Variants in ELK1 observed in about 807,000 individuals in gnomAD.
The protein encoded by ELK1 is ETS domain-containing protein Elk-1.
For synonymous variants in ELK1, 163 were observed against 176.3 expected (o/e 0.92, Z 0.60); for missense variants, 254 against 381.5 (o/e 0.67, Z 2.78).
intron 2 of ELK1, among the ~76,000 whole-genome samples, chrX:47,645,868 C>T (rs2147944857): frequency 8.9e-6 from 1 of 112,011 alleles, no homozygotes; most frequent in Non-Finnish European, 1.9e-5. Context: ...CCTGCCCTTG[C>T]AAATCTGTTC....
At position 47,639,008 on chromosome X, in the gene ELK1, G is replaced by A. The variant is rs375434138; in HGVS notation, c.541C>T (p.Leu181Phe). Residue 181 changes from leucine to phenylalanine, a missense_variant, in exon 4 of 7, where the codon CTC becomes TTC. Coordinates refer to ENST00000376983, the MANE Select transcript of ELK1 (RefSeq NM_001114123.3). ...GCCCCTGCAGGAGCTGCACTGGGGA[G>A]CACCACAGCAGGCCGAGGATGAGGG... The part of the protein sequence containing the change: ...PPPHPRPAVV[L>F]PSAAPAGAAA... 3 of 1,200,463 alleles carry A rather than the reference G, an allele frequency of 2.5e-6. No individual in the cohort carries two copies. The East Asian group carries it at 9.0e-5, about 36-fold the overall frequency.
At chrX:47,640,500 T>TG (rs1195919239) in intron 3 of ELK1, among the ~76,000 whole-genome samples, 3 of 110,125 alleles carry the variant, frequency 2.7e-5, no homozygotes, top group African/African-American at 9.9e-5. Flanking sequence ...GTATAAATAT[T>TG]GGGGGGAGGA....
intron 5 of ELK1, among the ~76,000 whole-genome samples, chrX:47,637,411 A>T (rs1396455735): frequency 9.0e-6 from 1 of 110,589 alleles, no homozygotes; most frequent in Non-Finnish European, 1.9e-5. Flanking sequence ...TCACCATCCC[A>T]ACAGCTCAGG....
At chrX:47,637,247 A>T in intron 5 of ELK1, 133 bp from the exon 6 acceptor site, 1 of 624,160 alleles carries the variant, frequency 1.6e-6, no homozygotes, top group South Asian at 2.6e-5. Flanking sequence ...GCACACACCT[A>T]GATGGTAACC....
chrX:47,638,330 T>C (rs1159446090), intron 4 of ELK1, 148 bp from the exon 5 acceptor site: 6 of 736,324 alleles, frequency 8.1e-6, no homozygotes, highest in Non-Finnish European at 1.2e-5. Flanking sequence ...CAACAGGACA[T>C]AGGACTTCGT....
rs747594779 is a variant in ELK1 at position 47,636,824 on chromosome X, A to G, written c.*5T>C. 1.2e-5 allele frequency: 14 copies of G among 1,133,956 alleles called. No homozygotes were observed. The East Asian group carries it at 2.9e-4, about 24-fold the overall frequency. The allele number at this position is 1,133,956 out of a possible 1,213,427, so 93.5% of individuals were successfully genotyped here. A position where few individuals can be genotyped will look rare whatever the true frequency, so the allele number is the denominator to read the frequency against. ...CAGAAGGGGTGGTGGTGGTGGTGGTAGTAGTCATGGCTTCTGGGGCCCTGG... is the reference window on the plus strand; with the variant it reads ...CAGAAGGGGTGGTGGTGGTGGTGGTGGTAGTCATGGCTTCTGGGGCCCTGG... On this transcript the variant is annotated 3_prime_UTR_variant, in exon 7 of 7. Transcript: ENST00000376983.
chrX:47,646,882 G>A (rs751594980), intron 2 of ELK1, among the ~76,000 whole-genome samples: 12 of 111,488 alleles, frequency 1.1e-4, no homozygotes, highest in Admixed American at 2.9e-4. Flanking sequence ...CACACTGGCC[G>A]CCTTGATGTT....
intron 2 of ELK1, among the ~76,000 whole-genome samples, chrX:47,644,954 G>A (rs1216544812): frequency 1.8e-5 from 2 of 111,491 alleles, no homozygotes; most frequent in Admixed American, 9.5e-5. Flanking sequence ...AAGCCACTGC[G>A]GTAGATGATG....
intron 2 of ELK1, among the ~76,000 whole-genome samples, 183 bp downstream of exon 2, chrX:47,649,738 T>C (rs770967266): frequency 2.0e-5 from 2 of 99,920 alleles, no homozygotes; most frequent in South Asian, 9.2e-4. Flanking sequence ...AGCGACAGTC[T>C]ACGAAAAAGA....
intron 3 of ELK1, among the ~76,000 whole-genome samples, chrX:47,640,235 A>G (rs192834705): frequency 1.8e-5 from 2 of 110,976 alleles, no homozygotes; most frequent in East Asian, 5.6e-4. Context: ...CTCATTACTA[A>G]TATTGTTCTG....
intron 3 of ELK1, among the ~76,000 whole-genome samples, chrX:47,640,190 T>C (rs970006299): frequency 8.9e-6 from 1 of 111,788 alleles, no homozygotes; most frequent in African/African-American, 3.3e-5. Context: ...GTCTCAGAGA[T>C]GACCTAGTGT....
chrX:47,647,925 A>C (rs2058048581), intron 2 of ELK1, among the ~76,000 whole-genome samples: 1 of 112,207 alleles, frequency 8.9e-6, no homozygotes. Flanking sequence ...GGAGGGGTTG[A>C]CTTTTTTTGT....
At chrX:47,642,108 G>A (rs1308515664) in intron 2 of ELK1, among the ~76,000 whole-genome samples, 1 of 111,633 alleles carries the variant, frequency 9.0e-6, no homozygotes, top group Non-Finnish European at 1.9e-5. Flanking sequence ...AGACAGTAAG[G>A]AAACAGGGAC....
At chrX:47,645,367 CAT>C (rs1485427150) in intron 2 of ELK1, among the ~76,000 whole-genome samples, 1 of 112,178 alleles carries the variant, frequency 8.9e-6, no homozygotes, top group African/African-American at 3.2e-5. Flanking sequence ...CCATTTTCCA[CAT>C]GAGGCAATGG....
In ELK1 at chrX:47,639,172, G is replaced by A; in HGVS notation, c.377C>T (p.Thr126Ile). 2.5e-6 allele frequency: 3 copies of A among 1,209,160 alleles called. No individual in the cohort carries two copies. Among genetic ancestry groups the A allele is most frequent in the Non-Finnish European group, 3.4e-6 (3 of 894,079 alleles). The change falls in exon 4 of 7, where the codon ACT becomes ATT. Residue 126 changes from threonine to isoleucine, a missense_variant. Coordinates refer to ENST00000376983, the MANE Select transcript of ELK1 (RefSeq NM_001114123.3). ...GGGTGTGCCTGGCTTTCCAGAGACA[G>A]TGTCCCCTGGGGCGGCATGTATAGC... is the stretch of plus-strand genomic sequence containing the variant. The part of the protein sequence containing the change: ...PAAIHAAPGD[T>I]VSGKPGTPKG...
intron 2 of ELK1, among the ~76,000 whole-genome samples, chrX:47,646,968 G>A (rs1269006028): frequency 1.8e-5 from 2 of 111,278 alleles, no homozygotes; most frequent in African/African-American, 6.6e-5. Context: ...TGCTCTTCCC[G>A]TAGACATTAA....
rs1401893254 is a variant in ELK1 at position 47,636,925 on chromosome X, A to G, written c.1191T>C (p.Phe397=). The G allele has an allele frequency of 8.5e-7, 1 of 1,179,591 alleles. No homozygotes were observed. The highest frequency in any genetic ancestry group is 1.1e-6 in the Non-Finnish European group (1 of 879,793). The change falls in exon 7 of 7, where the codon TTT becomes TTC. Residue 397 remains phenylalanine, a splice_region_variant and synonymous_variant. Coordinates refer to ENST00000376983, the MANE Select transcript of ELK1 (RefSeq NM_001114123.3). ...GCACCTGGGCGCTGCCACTGGATGG[A>G]AACTGGGGGCAAAAAGAGGGAGAGG... ...PRSPAKLSFQ[F]PSSGSAQVHI...
In ELK1 at chrX:47,636,576, C is replaced by T. The variant is rs376802243; in HGVS notation, c.*253G>A. 1 of 321,890 alleles carries T rather than the reference C, an allele frequency of 3.1e-6. No individual in the cohort carries two copies. The highest frequency in any genetic ancestry group is 5.4e-6 in the Non-Finnish European group (1 of 185,834). 26.5% of individuals were successfully genotyped at this position (321,890 alleles called of 1,213,427 possible). A position where few individuals can be genotyped will look rare whatever the true frequency, so the allele number is the denominator to read the frequency against. ...AAAATAAATAAATAAACCGCCCCTA[C>T]CATTGAAGTAGGAGACGTGTAAGGG... On this transcript the variant is annotated 3_prime_UTR_variant, in exon 7 of 7. Transcript: ENST00000376983.
chrX:47,646,309 C>T, intron 2 of ELK1, among the ~76,000 whole-genome samples: 2 of 111,842 alleles, frequency 1.8e-5, no homozygotes, highest in South Asian at 7.5e-4. Context: ...ATTATGCACA[C>T]CACAGTGGTT....
Sources: gnomAD v4.1 joint callset for allele counts (sites outside exome capture counted in the v4.1 genomes callset) on GRCh38, gnomAD v4.1.1 for gene constraint, MANE v1.5 for transcripts, NCBI Gene and HGNC (gene_info 2026-07-23, HGNC 2026-07-21) for gene names.